Variants in CHRM3 observed in about 807,000 individuals in gnomAD.
The protein encoded by CHRM3 is muscarinic acetylcholine receptor M3.
A neutral mutation model predicts 41.8 loss-of-function variants in CHRM3; 11 were observed. That is an observed-to-expected ratio of 0.26 (90% CI 0.17 to 0.44). The LOEUF (loss-of-function observed/expected upper bound fraction) is 0.44. Among genes scored for constraint, CHRM3 ranks in the 20% least tolerant of loss-of-function variants. CHRM3 has a pLI of 1.00. For missense variants in CHRM3, 571 were observed against 745.4 expected (o/e 0.77, Z 2.72); for synonymous variants, 297 against 301.4 (o/e 0.99, Z 0.15).
At chr1:239,593,561 A>G (rs575717932) in intron 3 of CHRM3, among the ~76,000 whole-genome samples, 100 of 152,298 alleles carry the variant, frequency 6.6e-4, no homozygotes, top group Non-Finnish European at 1.2e-3. Context: ...TTGTCATTCA[A>G]TATTTAGTTC....
chr1:239,820,637 G>A (rs1205694602), intron 5 of CHRM3, among the ~76,000 whole-genome samples: 2 of 152,090 alleles, frequency 1.3e-5, no homozygotes, highest in African/African-American at 2.4e-5. Flanking sequence ...AGTACAGCAT[G>A]TACAAAGTGC....
At chr1:239,827,219 A>G (rs1672527575) in intron 5 of CHRM3, 33 bp from the exon 6 acceptor site, 2 of 152,214 alleles carry the variant, frequency 1.3e-5, no homozygotes, top group Admixed American at 6.5e-5. Context: ...TGGGAGAAGG[A>G]ACTGACTCCT....
intron 2 of CHRM3, among the ~76,000 whole-genome samples, chr1:239,521,873 A>G (rs754494059): frequency 6.6e-6 from 1 of 152,346 alleles, no homozygotes; most frequent in Non-Finnish European, 1.5e-5. Context: ...TAATCTAGAG[A>G]TGATTTAAGA....
At position 239,840,865 on chromosome 1, in the gene CHRM3, T is replaced by C. The variant is rs527733188; in HGVS notation, c.-20+13487T>C. Among the ~76,000 whole-genome samples, 95 of 152,350 alleles carry C rather than the reference T, an allele frequency of 6.2e-4. 1 individual carries two copies. The highest frequency in any genetic ancestry group is 3.4e-3 in the Middle Eastern group (1 of 294). ...TATTCGGAAAATTGAGTACCGTCACTGTTTGTTCCATTTCTTTGTGATTAA... is the reference window on the plus strand; with the variant it reads ...TATTCGGAAAATTGAGTACCGTCACCGTTTGTTCCATTTCTTTGTGATTAA... On this transcript the variant is annotated intron_variant, in intron 6 of 6. Coordinates refer to ENST00000676153, the MANE Select transcript of CHRM3 (RefSeq NM_001375978.1).
At chr1:239,623,486 TTTTTTTTTTTAA>T (rs1253070272) in intron 3 of CHRM3, among the ~76,000 whole-genome samples, 1 of 133,718 alleles carries the variant, frequency 7.5e-6, no homozygotes, top group Non-Finnish European at 1.6e-5. Context: ...TGTATAAGTT[TTTTTTTTTTTAA>T]TTTTTTTTTT....
Position 239,843,211 on chromosome 1 carries a change from T to C in CHRM3, c.-20+15833T>C, listed in dbSNP as rs530795944. ...TTAATCCTCCTGCCTATATACTCAT[T>C]ATCACACTCCTCACCTTCATTTACC... On this transcript the variant is annotated intron_variant, in intron 6 of 6. Transcript: ENST00000676153. 9.9e-5 allele frequency among the ~76,000 whole-genome samples: 15 copies of C among 152,272 alleles called. No individual in the cohort carries two copies. In the East Asian group the frequency reaches 1.7e-3, roughly 18 times the overall value.
At chr1:239,774,453 A>T (rs1667939135) in intron 5 of CHRM3, among the ~76,000 whole-genome samples, 1 of 152,340 alleles carries the variant, frequency 6.6e-6, no homozygotes, top group South Asian at 2.1e-4. Flanking sequence ...GGGAAAAGAA[A>T]GATTTTTATA....
At chr1:239,780,029 A>G (rs781108360) in intron 5 of CHRM3, among the ~76,000 whole-genome samples, 1 of 152,166 alleles carries the variant, frequency 6.6e-6, no homozygotes, top group Non-Finnish European at 1.5e-5. Context: ...TCATTCACCT[A>G]CTGGAGGACA....
rs1456190595 is a variant in CHRM3 at position 239,642,054 on chromosome 1, G to T, written c.-250+9768G>T. Among the ~76,000 whole-genome samples, 2 of 127,186 alleles carry T rather than the reference G, an allele frequency of 1.6e-5. 1 individual carries two copies. Among genetic ancestry groups the T allele is most frequent in the Admixed American group, 1.6e-4 (2 of 12,514 alleles). 83.4% of individuals were successfully genotyped at this position (127,186 alleles called of 152,430 possible). A position where few individuals can be genotyped will look rare whatever the true frequency, so the allele number is the denominator to read the frequency against. ...TAGTTTGGCTGGATATGAAATTCTG[G>T]GTTGAAAATTCTTTTCTTTAAGAAT... On this transcript the variant is annotated intron_variant, in intron 4 of 6. Transcript: ENST00000676153.
At chr1:239,573,110 G>A (rs145268325) in intron 3 of CHRM3, among the ~76,000 whole-genome samples, 5 of 152,030 alleles carry the variant, frequency 3.3e-5, no homozygotes, top group African/African-American at 9.7e-5. Flanking sequence ...CTTCCATGCC[G>A]CACTCCTTCC....
At chr1:239,755,407 GC>G (rs566444844) in intron 5 of CHRM3, among the ~76,000 whole-genome samples, 190 of 152,258 alleles carry the variant, frequency 1.2e-3, no homozygotes, top group South Asian at 3.7e-3. Flanking sequence ...TGATTTTTAT[GC>G]CGATAATGGA....
At chr1:239,765,518 T>C (rs1317998489) in intron 5 of CHRM3, among the ~76,000 whole-genome samples, 1 of 152,246 alleles carries the variant, frequency 6.6e-6, no homozygotes, top group African/African-American at 2.4e-5. Context: ...AGAAATCAAC[T>C]GAATACACAT....
At position 239,395,465 on chromosome 1, in the gene CHRM3, C is replaced by T. The variant is rs189119360; in HGVS notation, c.-521+8238C>T. Among the ~76,000 whole-genome samples, 440 of 152,190 alleles carry T rather than the reference C, an allele frequency of 2.9e-3. 1 individual carries two copies. Among genetic ancestry groups the T allele is most frequent in the African/African-American group, 0.01 (424 of 41,522 alleles). On this transcript the variant is annotated intron_variant, in intron 1 of 6. Coordinates refer to ENST00000676153, the MANE Select transcript of CHRM3 (RefSeq NM_001375978.1). ...AAGTGATCTTGATTTATTCTCTTCC[C>T]TCACCTCCTACATTTAGCCAGGTAC...
chr1:239,502,901 G>T (rs941182623), intron 2 of CHRM3, among the ~76,000 whole-genome samples: 1 of 152,076 alleles, frequency 6.6e-6, no homozygotes, highest in Non-Finnish European at 1.5e-5. Flanking sequence ...GCATACAAGG[G>T]ATATACCTCA....
chr1:239,842,739 T>A (rs1252631529), intron 6 of CHRM3, among the ~76,000 whole-genome samples: 1 of 152,152 alleles, frequency 6.6e-6, no homozygotes, highest in Non-Finnish European at 1.5e-5. Context: ...CACACATGCA[T>A]GCACGCACAC....
intron 2 of CHRM3, among the ~76,000 whole-genome samples, chr1:239,506,953 C>G (rs948515156): frequency 3.9e-5 from 6 of 152,086 alleles, no homozygotes; most frequent in African/African-American, 1.4e-4. Flanking sequence ...GCCTGTACCC[C>G]CTTTGTTTTG....
intron 5 of CHRM3, among the ~76,000 whole-genome samples, chr1:239,813,226 C>T (rs569562436): frequency 1.5e-4 from 23 of 151,952 alleles, no homozygotes; most frequent in Non-Finnish European, 3.1e-4. Context: ...TGCAGTGAGC[C>T]GACATTGTGC....
chr1:239,691,914 A>G (rs970046564), intron 5 of CHRM3, among the ~76,000 whole-genome samples: 2 of 152,192 alleles, frequency 1.3e-5, no homozygotes, highest in African/African-American at 4.8e-5. Context: ...TCATGAAATC[A>G]AAGAGTACTT....
intron 4 of CHRM3, among the ~76,000 whole-genome samples, chr1:239,642,634 T>C (rs1484919701): frequency 6.6e-6 from 1 of 152,206 alleles, no homozygotes; most frequent in African/African-American, 2.4e-5. Context: ...TTTAAGCACT[T>C]CTCTGTATTG....
Sources: gnomAD v4.1 joint callset for allele counts (sites outside exome capture counted in the v4.1 genomes callset) on GRCh38, gnomAD v4.1.1 for gene constraint, MANE v1.5 for transcripts, NCBI Gene and HGNC (gene_info 2026-07-23, HGNC 2026-07-21) for gene names.